Variants in PCDHGA12 observed in about 807,000 individuals in gnomAD.
PCDHGA12 encodes protocadherin gamma-A12.
Under a neutral mutation model 61.1 loss-of-function variants are expected in PCDHGA12, and 43 were observed. That is an observed-to-expected ratio of 0.70 (90% confidence interval 0.55 to 0.91). The LOEUF (loss-of-function observed/expected upper bound fraction) is 0.91. Among genes scored for constraint, PCDHGA12 ranks in the 40% least tolerant of loss-of-function variants. PCDHGA12 has a pLI of 0.00. For missense variants in PCDHGA12, 1,236 were observed against 1,227.7 expected, an observed-to-expected ratio of 1.01 and a Z score of -0.10; for synonymous variants, 520 against 542.9, an observed-to-expected ratio of 0.96 and a Z score of 0.59.
At position 141,490,118 on chromosome 5, in the gene PCDHGA12, T is replaced by G. The variant is rs1448768968; in HGVS notation, c.2425-4689T>G. The G allele has an allele frequency of 6.2e-7, 1 of 1,614,158 alleles. No individual in the cohort carries two copies. Among genetic ancestry groups the G allele is most frequent in the Non-Finnish European group, 8.5e-7 (1 of 1,180,048 alleles). On this transcript the variant is annotated intron_variant, in intron 1 of 3. Transcript: ENST00000252085. This position sits in a 1 kb window ranked among gnomAD's most constrained non-coding sequence, Gnocchi z 5.4. ...ACATCTGAGGCAGTGCGGAACCTCT[T>G]TGGCCTAGACCCTAGCAGTGGGGCA...
chr5:141,489,101 T>A lies in PCDHGA12; in HGVS notation c.2425-5706T>A. 2 of 398,380 alleles carry A rather than the reference T, an allele frequency of 5.0e-6. No individual in the cohort carries two copies. Among genetic ancestry groups the A allele is most frequent in the Non-Finnish European group, 9.0e-6 (2 of 223,310 alleles). The allele number at this position is 398,380 out of a possible 1,614,324, so 24.7% of individuals were successfully genotyped here. ...CCGCCACTCGGTGACTAAGAACTGC[T>A]GCAAGCAGGCAAACCTCCGAGCAGT... On this transcript the variant is annotated intron_variant, in intron 1 of 3. Coordinates refer to ENST00000252085, the MANE Select transcript of PCDHGA12 (RefSeq NM_003735.3). This position sits in a 1 kb window ranked among gnomAD's most constrained non-coding sequence, Gnocchi z 4.5.
intron 1 of PCDHGA12, among the ~76,000 whole-genome samples, chr5:141,466,670 G>T (rs994949602): frequency 6.6e-6 from 1 of 152,046 alleles, no homozygotes; most frequent in Non-Finnish European, 1.5e-5. Flanking sequence ...TGATTTCACC[G>T]TTCTTCCACT....
chr5:141,464,913 A>AT (rs1366203949), intron 1 of PCDHGA12, among the ~76,000 whole-genome samples: 2 of 151,546 alleles, frequency 1.3e-5, no homozygotes, highest in South Asian at 4.2e-4. Flanking sequence ...TAATTTTTTT[A>AT]TTTTTTTGTA....
At chr5:141,454,283 T>G (rs2098785864) in intron 1 of PCDHGA12, among the ~76,000 whole-genome samples, 1 of 152,134 alleles carries the variant, frequency 6.6e-6, no homozygotes, top group Non-Finnish European at 1.5e-5. Flanking sequence ...AACTTCACAT[T>G]AAAGGAACTC....
intron 1 of PCDHGA12, among the ~76,000 whole-genome samples, chr5:141,482,447 T>C (rs2099560010): frequency 6.7e-6 from 1 of 149,882 alleles, no homozygotes; most frequent in East Asian, 1.9e-4. Flanking sequence ...ATTCACCATT[T>C]ATTAGCATCC....
Position 141,485,631 on chromosome 5 carries a change from C to T in PCDHGA12, c.2425-9176C>T. 6.2e-7 allele frequency: 1 copy of T among 1,611,764 alleles called. No homozygotes were observed. The highest frequency in any genetic ancestry group is 8.5e-7 in the Non-Finnish European group (1 of 1,178,360). Reference sequence around the variant, plus strand: ...GCAGCTCCTCCAGGACAGCGTTTCCCGTTGGAAAAGGCTCAGGATGCAGAT... The same window carrying T: ...GCAGCTCCTCCAGGACAGCGTTTCCTGTTGGAAAAGGCTCAGGATGCAGAT... On this transcript the variant is annotated intron_variant, in intron 1 of 3. Coordinates refer to ENST00000252085, the MANE Select transcript of PCDHGA12 (RefSeq NM_003735.3). The surrounding 1 kb of genome is among the most constrained non-coding windows in gnomAD (Gnocchi z 5.7).
Position 141,493,685 on chromosome 5 carries a change from G to A in PCDHGA12, c.2425-1122G>A, listed in dbSNP as rs139973755. ...CCATGGCAGCCCCAGAATGGTGCTG[G>A]TGACTCCCGATACACCTGGAATGCT... On this transcript the variant is annotated intron_variant, in intron 1 of 3. Transcript: ENST00000252085. The surrounding 1 kb of genome is among the most constrained non-coding windows in gnomAD (Gnocchi z 4.3). 1.1e-3 allele frequency among the ~76,000 whole-genome samples: 165 copies of A among 152,282 alleles called. 3 individuals carry two copies. The highest frequency in any genetic ancestry group is 8.2e-3 in the Admixed American group (125 of 15,298).
chr5:141,495,430 C>T (rs1189953474), intron 2 of PCDHGA12, among the ~76,000 whole-genome samples: 3 of 152,220 alleles, frequency 2.0e-5, no homozygotes, highest in Admixed American at 2.0e-4. Context: ...TCCCACTGTC[C>T]TCTGCCCCTA....
chr5:141,492,962 C>T (rs1197532146), intron 1 of PCDHGA12, among the ~76,000 whole-genome samples: 2 of 152,258 alleles, frequency 1.3e-5, no homozygotes, highest in Non-Finnish European at 2.9e-5. Context: ...CTATCTGACA[C>T]TCTAACAAGT....
intron 1 of PCDHGA12, among the ~76,000 whole-genome samples, chr5:141,494,338 ACAG>A (rs2099753688): frequency 6.6e-6 from 1 of 152,224 alleles, no homozygotes; most frequent in African/African-American, 2.4e-5. Flanking sequence ...GTTACCAAGA[ACAG>A]CAGCCATCTT....
intron 2 of PCDHGA12, among the ~76,000 whole-genome samples, chr5:141,500,775 T>C (rs1251282826): frequency 6.6e-6 from 1 of 152,218 alleles, no homozygotes; most frequent in Non-Finnish European, 1.5e-5. Context: ...CTTATGAATA[T>C]ACATATTATT....
chr5:141,464,402 G>GAT (rs1039725208), intron 1 of PCDHGA12, among the ~76,000 whole-genome samples: 22 of 150,720 alleles, frequency 1.5e-4, no homozygotes, highest in Admixed American at 7.3e-4. Context: ...AAGAACCTGA[G>GAT]ATATATATAT....
At chr5:141,465,644 A>G (rs1320011410) in intron 1 of PCDHGA12, among the ~76,000 whole-genome samples, 2 of 152,186 alleles carry the variant, frequency 1.3e-5, no homozygotes, top group African/African-American at 4.8e-5. Context: ...TGCTTTGAAC[A>G]TCCCAAAAAA....
At position 141,510,993 on chromosome 5, in the gene PCDHGA12, G is replaced by A. The variant is rs1457918073; in HGVS notation, c.2619G>A (p.Met873Ile). The A allele has an allele frequency of 4.3e-6, 7 of 1,614,046 alleles. No homozygotes were observed. Among genetic ancestry groups the A allele is most frequent in the African/African-American group, 1.3e-5 (1 of 74,906 alleles). ...CCCTGGGAGGGGGTGCCGGCACCAT[G>A]GGATTGAGCGCCCGCTACGGACCCC... ...SSTLGGGAGT[M>I]GLSARYGPQF... The change falls in exon 4 of 4, where the codon ATG (methionine) becomes ATA (isoleucine). Residue 873 changes from methionine to isoleucine, a missense_variant. Transcript: ENST00000252085.
intron 1 of PCDHGA12, among the ~76,000 whole-genome samples, chr5:141,436,469 G>A (rs376024456): frequency 6.6e-6 from 1 of 152,304 alleles, no homozygotes; most frequent in East Asian, 1.9e-4. Flanking sequence ...ATTTTCAGAT[G>A]TATCATAGAA....
At chr5:141,433,358 C>CCTGCCTAT (rs1554125966) in intron 1 of PCDHGA12, 175 bp downstream of exon 1, 1 of 498,106 alleles carries the variant, frequency 2.0e-6, no homozygotes, top group Non-Finnish European at 3.5e-6. Flanking sequence ...CTACTGTCTG[C>CCTGCCTAT]CTATCTATCT....
intron 1 of PCDHGA12, among the ~76,000 whole-genome samples, chr5:141,453,216 C>T (rs565229516): frequency 8.5e-5 from 13 of 152,080 alleles, no homozygotes; most frequent in Non-Finnish European, 1.0e-4. Context: ...TGCACTTAAG[C>T]GATCCTCCCA....
intron 3 of PCDHGA12, among the ~76,000 whole-genome samples, chr5:141,507,861 C>T (rs538942097): frequency 7.0e-4 from 106 of 152,306 alleles, no homozygotes; most frequent in African/African-American, 2.5e-3. Flanking sequence ...CTTTCACACC[C>T]GCTTCCTAGC....
chr5:141,493,694 G>A lies in PCDHGA12; in HGVS notation c.2425-1113G>A, dbSNP rs929897875. On this transcript the variant is annotated intron_variant, in intron 1 of 3. Transcript: ENST00000252085. This position sits in a 1 kb window ranked among gnomAD's most constrained non-coding sequence, Gnocchi z 4.3. ...CCCCAGAATGGTGCTGGTGACTCCC[G>A]ATACACCTGGAATGCTAGGTTTCTG... Among the ~76,000 whole-genome samples the A allele has an allele frequency of 5.9e-5, 9 of 152,130 alleles. No individual in the cohort carries two copies. Among genetic ancestry groups the A allele is most frequent in the African/African-American group, 9.7e-5 (4 of 41,404 alleles).
Sources: gnomAD v4.1 joint callset for allele counts (sites outside exome capture counted in the v4.1 genomes callset) on GRCh38, gnomAD v4.1.1 for gene constraint, Gnocchi (gnomAD v3.1) non-coding constraint, MANE v1.5 for transcripts, NCBI Gene and HGNC (gene_info 2026-07-23, HGNC 2026-07-21) for gene names.